Variants in ANO1 observed in about 807,000 individuals in gnomAD.
The protein encoded by ANO1 is anoctamin-1.
In ANO1, 59 loss-of-function variants were observed where a neutral mutation model predicts 124.0. That is an observed-to-expected ratio of 0.48 (90% CI 0.39 to 0.59). The LOEUF is 0.59. Ranked by LOEUF, ANO1 falls within the 20% of genes least tolerant of loss-of-function variation. ANO1 has a pLI of 0.00. For missense variants in ANO1, 1,059 were observed against 1,328.0 expected, an observed-to-expected ratio of 0.80 and a Z score of 3.15; for synonymous variants, 529 against 532.0, an observed-to-expected ratio of 0.99 and a Z score of 0.08.
At chr11:70,184,422 C>T (rs2049033643) in intron 24 of ANO1, among the ~76,000 whole-genome samples, 1 of 152,102 alleles carries the variant, frequency 6.6e-6, no homozygotes, top group Admixed American at 6.5e-5. Flanking sequence ...CACGAAGAGC[C>T]AAGGTCAGTG....
intron 1 of ANO1, among the ~76,000 whole-genome samples, chr11:70,027,430 G>T (rs1555003343): frequency 6.6e-6 from 1 of 152,224 alleles, no homozygotes; most frequent in African/African-American, 2.4e-5. Flanking sequence ...CCGAGGTACA[G>T]TTTCTACTGA....
chr11:70,065,631 G>A (rs894104829), intron 1 of ANO1, among the ~76,000 whole-genome samples: 12 of 149,120 alleles, frequency 8.0e-5, no homozygotes, highest in Admixed American at 2.7e-4. Context: ...CTTGTCCCCC[G>A]TCGTCCCCCT....
chr11:70,078,935 G>T (rs1386211782), intron 1 of ANO1, among the ~76,000 whole-genome samples: 1 of 151,832 alleles, frequency 6.6e-6, no homozygotes, highest in Admixed American at 6.6e-5. Flanking sequence ...TTCCGAGCGC[G>T]GCGCCCACTC....
rs184540621 is a variant in ANO1 at position 70,013,304 on chromosome 11, T to C, written c.58+27138T>C. Among the ~76,000 whole-genome samples the C allele has an allele frequency of 4.3e-3, 659 of 152,178 alleles. 2 individuals carry two copies. Among genetic ancestry groups the C allele is most frequent in the Non-Finnish European group, 6.6e-3 (451 of 67,998 alleles). ...GATCATACTGGCCTTCAAGATCACGTTGCAAATTTGGACTTGATCTTAAGA... is the reference window on the plus strand; with the variant it reads ...GATCATACTGGCCTTCAAGATCACGCTGCAAATTTGGACTTGATCTTAAGA... On this transcript the variant is annotated intron_variant, in intron 1 of 27. Coordinates refer to the ANO1 transcript ENST00000531349.
At chr11:69,979,696 C>G in the ANO1 span, among the ~76,000 whole-genome samples, 1 of 152,300 alleles carries the variant, frequency 6.6e-6, no homozygotes, top group South Asian at 2.1e-4. Flanking sequence ...TCCTTTTCCT[C>G]CAAATGCAGC....
the ANO1 span, among the ~76,000 whole-genome samples, chr11:69,971,012 A>G: frequency 6.6e-6 from 1 of 152,258 alleles, no homozygotes; most frequent in Non-Finnish European, 1.5e-5. Flanking sequence ...AGAGAACAGG[A>G]CATGCAGTTT....
chr11:70,017,477 C>G (rs1856722946), intron 1 of ANO1, among the ~76,000 whole-genome samples: 1 of 150,258 alleles, frequency 6.7e-6, no homozygotes, highest in Admixed American at 6.6e-5. Flanking sequence ...CTCCTTCCCT[C>G]CCTCCCTTCC....
At chr11:70,103,279 G>T (rs1402124664) in intron 3 of ANO1, 115 bp downstream of exon 3, 11 of 815,042 alleles carry the variant, frequency 1.3e-5, no homozygotes, top group Non-Finnish European at 1.9e-5. Flanking sequence ...AAAAAACCCA[G>T]TGGGCTTCAC....
intron 11 of ANO1, among the ~76,000 whole-genome samples, chr11:70,134,532 A>G (rs113956070): frequency 6.6e-5 from 10 of 152,202 alleles, no homozygotes; most frequent in Non-Finnish European, 1.5e-5. Flanking sequence ...GGCTTAGCAC[A>G]TAGCTTACTC....
intron 1 of ANO1, chr11:70,016,527 G>A (rs1370841612): frequency 6.6e-6 from 1 of 152,330 alleles, no homozygotes; most frequent in Non-Finnish European, 1.5e-5. Context: ...TCACAGGACA[G>A]TGGCCAGCCT....
intron 7 of ANO1, among the ~76,000 whole-genome samples, chr11:70,114,352 C>T (rs1295887093): frequency 6.6e-6 from 1 of 152,242 alleles, no homozygotes; most frequent in Non-Finnish European, 1.5e-5. Context: ...CTGCTAAGTA[C>T]CAAAGCTGAT....
At chr11:70,076,315 G>A (rs2044055630), upstream of ANO1, among the ~76,000 whole-genome samples, 1 of 152,194 alleles carries the variant, frequency 6.6e-6, no homozygotes, top group African/African-American at 2.4e-5. Context: ...ACCTTGCCTA[G>A]GAGATGGCCC....
chr11:70,124,703 C>T (rs2046423646), intron 9 of ANO1, among the ~76,000 whole-genome samples: 1 of 152,096 alleles, frequency 6.6e-6, no homozygotes, highest in Admixed American at 6.6e-5. Flanking sequence ...GAGGGTTTTC[C>T]GGATTTGAGA....
intron 1 of ANO1, among the ~76,000 whole-genome samples, chr11:70,009,446 G>C (rs1406202400): frequency 2.6e-5 from 4 of 152,202 alleles, no homozygotes; most frequent in African/African-American, 9.6e-5. Context: ...ACTGTACCAA[G>C]TGACTTCTTC....
At chr11:69,994,352 G>GTGGATGGGTGGA (rs1476729295) in intron 1 of ANO1, among the ~76,000 whole-genome samples, 1 of 151,660 alleles carries the variant, frequency 6.6e-6, no homozygotes, top group Non-Finnish European at 1.5e-5. Context: ...CTCTCCCTGG[G>GTGGATGGGTGGA]TGGATGGGTG....
intron 1 of ANO1, among the ~76,000 whole-genome samples, chr11:70,001,593 C>G (rs1312945728): frequency 6.6e-6 from 1 of 152,140 alleles, no homozygotes; most frequent in Non-Finnish European, 1.5e-5. Context: ...TACATGATCC[C>G]GTTTCTATCG....
chr11:70,152,287 A>ACC (rs1330629505), intron 12 of ANO1, among the ~76,000 whole-genome samples, 163 bp from the exon 13 acceptor site: 1 of 142,448 alleles, frequency 7.0e-6, no homozygotes, highest in Admixed American at 7.6e-5. Flanking sequence ...GTGAGCTGAG[A>ACC]CCGCGCCATT....
In ANO1 at chr11:70,087,822, G is replaced by A. The variant is rs199526216; in HGVS notation, c.179G>A (p.Arg60His). ...KYGLYFRDGR[R>H]KVDYILVYHH... ...GGCCTGTACTTCAGGGACGGCCGGCGCAAGGTGGACTACATCCTGGTGTAC... is the reference window on the plus strand; with the variant it reads ...GGCCTGTACTTCAGGGACGGCCGGCACAAGGTGGACTACATCCTGGTGTAC... The change falls in exon 2 of 26, where the codon CGC becomes CAC. Residue 60 changes from arginine to histidine, a missense_variant. Coordinates refer to ENST00000355303, the MANE Select transcript of ANO1 (RefSeq NM_018043.7). 15 of 1,613,004 alleles carry A rather than the reference G, an allele frequency of 9.3e-6. No individual in the cohort carries two copies. The highest frequency in any genetic ancestry group is 4.4e-5 in the South Asian group (4 of 90,940).
chr11:70,105,876 C>A, intron 5 of ANO1, 88 bp downstream of exon 5: 1 of 1,306,900 alleles, frequency 7.7e-7, no homozygotes, highest in South Asian at 1.2e-5. Context: ...AAACTCCTCC[C>A]GGTGGAAGCC....
Sources: gnomAD v4.1 joint callset for allele counts (sites outside exome capture counted in the v4.1 genomes callset) on GRCh38, gnomAD v4.1.1 for gene constraint, MANE v1.5 for transcripts, NCBI Gene and HGNC (gene_info 2026-07-23, HGNC 2026-07-21) for gene names.